The following NCAM2 variants were observed in gnomAD, a reference collection of about 807,000 sequenced individuals.
NCAM2 encodes the protein neural cell adhesion molecule 2.
NCAM2 carries 30 observed loss-of-function variants against 98.1 expected under a neutral mutation model. That is an observed-to-expected ratio of 0.31 (90% CI 0.23 to 0.41). NCAM2 has a LOEUF of 0.41. Among genes scored for constraint, NCAM2 ranks in the 10% least tolerant of loss-of-function variants. The probability of loss-of-function intolerance (pLI) is 1.00; values close to 1 mark genes in which losing one functional copy is unlikely to be tolerated. For synonymous variants in NCAM2, 368 were observed against 342.4 expected (o/e 1.07, Z -0.83); for missense variants, 867 against 1,005.8 (o/e 0.86, Z 1.87).
chr21:21,199,795 C>T (rs997135345), intron 1 of NCAM2, among the ~76,000 whole-genome samples: 26 of 152,134 alleles, frequency 1.7e-4, no homozygotes, highest in African/African-American at 6.0e-4. Flanking sequence ...GTTCTATAAT[C>T]GTATGGCATT....
chr21:21,152,748 G>C (rs565670547), intron 1 of NCAM2, among the ~76,000 whole-genome samples: 1 of 151,998 alleles, frequency 6.6e-6, no homozygotes, highest in South Asian at 2.1e-4. Flanking sequence ...AGTTCTGGTA[G>C]CGTTCCAGTT....
intron 15 of NCAM2, among the ~76,000 whole-genome samples, chr21:21,507,846 A>G (rs1433370999): frequency 6.6e-6 from 1 of 151,650 alleles, no homozygotes; most frequent in Non-Finnish European, 1.5e-5. Context: ...AACATGTGTT[A>G]AGAATCATTT....
chr21:21,363,248 A>G (rs1032066233), intron 8 of NCAM2, among the ~76,000 whole-genome samples: 4 of 152,144 alleles, frequency 2.6e-5, no homozygotes, highest in Middle Eastern at 3.2e-3. Context: ...TGTGTGTATT[A>G]TAGAGAACAT....
chr21:21,104,184 A>G (rs2146499590), intron 1 of NCAM2, among the ~76,000 whole-genome samples: 1 of 152,226 alleles, frequency 6.6e-6, no homozygotes, highest in Non-Finnish European at 1.5e-5. Flanking sequence ...CGAATTTATG[A>G]CATGTTATCT....
At chr21:21,136,229 A>G (rs2146634724) in intron 1 of NCAM2, among the ~76,000 whole-genome samples, 1 of 152,284 alleles carries the variant, frequency 6.6e-6, no homozygotes, top group Non-Finnish European at 1.5e-5. Flanking sequence ...TTCTTCTGAT[A>G]CAGTTTGCTA....
intron 1 of NCAM2, among the ~76,000 whole-genome samples, chr21:21,147,793 A>C (rs954512946): frequency 8.9e-6 from 1 of 112,642 alleles, no homozygotes; most frequent in Non-Finnish European, 2.0e-5. Flanking sequence ...TATATATATA[A>C]ATTTATTGAA....
chr21:21,396,689 A>G (rs943560220), intron 9 of NCAM2, among the ~76,000 whole-genome samples: 8 of 152,176 alleles, frequency 5.3e-5, no homozygotes, highest in Non-Finnish European at 2.9e-5. Context: ...GTGCCACTCC[A>G]TGCAAGGCTG....
At chr21:21,115,626 G>T (rs1276854515) in intron 1 of NCAM2, among the ~76,000 whole-genome samples, 1 of 152,100 alleles carries the variant, frequency 6.6e-6, no homozygotes, top group Non-Finnish European at 1.5e-5. Flanking sequence ...TCTGATTACA[G>T]TCTTTTAAGA....
intron 1 of NCAM2, among the ~76,000 whole-genome samples, chr21:21,240,639 T>A (rs2147235450): frequency 6.6e-6 from 1 of 152,326 alleles, no homozygotes; most frequent in Middle Eastern, 3.4e-3. Flanking sequence ...AAATTTTGAA[T>A]TTTCTAATAG....
At chr21:21,113,665 G>A (rs1270173706) in intron 1 of NCAM2, among the ~76,000 whole-genome samples, 1 of 152,054 alleles carries the variant, frequency 6.6e-6, no homozygotes, top group African/African-American at 2.4e-5. Context: ...GTCAATTCAG[G>A]GAAGTACTAG....
intron 1 of NCAM2, among the ~76,000 whole-genome samples, chr21:21,004,352 G>C (rs1320272248): frequency 2.6e-5 from 4 of 152,146 alleles, no homozygotes; most frequent in Non-Finnish European, 5.9e-5. Flanking sequence ...TGAGTCAAGA[G>C]ACAATTAGCT....
rs1467974588 is a variant in NCAM2 at position 21,334,077 on chromosome 21, C to T, written c.738-1428C>T. ...CCTTCGGAGTAGCTGGGATTACAGGCGCCTGCTACCACGCCAGGCTAGTCT... is the reference window on the plus strand; with the variant it reads ...CCTTCGGAGTAGCTGGGATTACAGGTGCCTGCTACCACGCCAGGCTAGTCT... On this transcript the variant is annotated intron_variant, in intron 6 of 17. Coordinates refer to ENST00000400546, the MANE Select transcript of NCAM2 (RefSeq NM_004540.5). 3.3e-5 allele frequency among the ~76,000 whole-genome samples: 5 copies of T among 152,028 alleles called. No homozygotes were observed. The South Asian group carries it at 8.3e-4, about 25-fold the overall frequency.
At chr21:21,507,092 A>C (rs1246394713) in intron 15 of NCAM2, among the ~76,000 whole-genome samples, 1 of 152,024 alleles carries the variant, frequency 6.6e-6, no homozygotes, top group South Asian at 2.1e-4. Context: ...AATAAAAATA[A>C]CTTAAACCTA....
At chr21:21,174,090 T>A (rs568794725) in intron 1 of NCAM2, among the ~76,000 whole-genome samples, 2 of 152,178 alleles carry the variant, frequency 1.3e-5, no homozygotes, top group African/African-American at 4.8e-5. Flanking sequence ...CGCCCTAATT[T>A]TTGTATTTTA....
At chr21:21,421,551 A>T (rs538277605) in intron 11 of NCAM2, among the ~76,000 whole-genome samples, 2 of 152,322 alleles carry the variant, frequency 1.3e-5, no homozygotes, top group East Asian at 3.9e-4. Context: ...AAATATCAAC[A>T]TTTATAAATA....
rs548093741 is a variant in NCAM2 at position 21,430,394 on chromosome 21, T to TTATATATATATATATATATATATATA, written c.1481-1705_1481-1704insATATATATATATATATATATATATAT. Among the ~76,000 whole-genome samples the TTATATATATATATATATATATATATA allele has an allele frequency of 2.2e-3, 281 of 124,994 alleles. 15 individuals are homozygous for TTATATATATATATATATATATATATA. Among genetic ancestry groups the TTATATATATATATATATATATATATA allele is most frequent in the Middle Eastern group, 4.1e-3 (1 of 244 alleles). 82.0% of individuals were successfully genotyped at this position (124,994 alleles called of 152,430 possible). A position where few individuals can be genotyped will look rare whatever the true frequency, so the allele number is the denominator to read the frequency against. ...TGTACTGCATATTTATCAGTCAAGTTTATATATATTAGCCCATTCTCACAC... is the reference window on the plus strand; with the variant it reads ...TGTACTGCATATTTATCAGTCAAGTTTATATATATATATATATATATATATATATATATATTAGCCCATTCTCACAC... On this transcript the variant is annotated intron_variant, in intron 11 of 17. Coordinates refer to ENST00000400546, the MANE Select transcript of NCAM2 (RefSeq NM_004540.5).
intron 1 of NCAM2, among the ~76,000 whole-genome samples, chr21:21,163,468 T>C (rs2067854045): frequency 6.6e-6 from 1 of 152,186 alleles, no homozygotes. Flanking sequence ...AACATTTTCG[T>C]TTGCTTTATT....
chr21:21,366,678 G>A (rs2075794448), intron 8 of NCAM2, among the ~76,000 whole-genome samples: 1 of 151,994 alleles, frequency 6.6e-6, no homozygotes, highest in South Asian at 2.1e-4. Context: ...CCCATCTGGG[G>A]TGTGATGTTT....
intron 1 of NCAM2, among the ~76,000 whole-genome samples, chr21:21,138,267 G>T (rs2826687): frequency 6.6e-6 from 1 of 151,840 alleles, no homozygotes; most frequent in South Asian, 2.1e-4. Context: ...TGCCCCAGAC[G>T]TTCCAATCTC....
Sources: gnomAD v4.1 joint callset for allele counts (sites outside exome capture counted in the v4.1 genomes callset) on GRCh38, gnomAD v4.1.1 for gene constraint, MANE v1.5 for transcripts, NCBI Gene and HGNC (gene_info 2026-07-23, HGNC 2026-07-21) for gene names.